The following ALG9 variants were observed in gnomAD, a reference collection of about 807,000 sequenced individuals.
ALG9 encodes ALG9 alpha-1,2-mannosyltransferase, also known as alpha-1,2-mannosyltransferase ALG9.
In ALG9, 55 loss-of-function variants were observed where a neutral mutation model predicts 81.8. That is an observed-to-expected ratio of 0.67 (90% CI 0.54 to 0.84). The LOEUF (loss-of-function observed/expected upper bound fraction) is 0.84, where lower values mean the gene tolerates loss of function less well. Among genes scored for constraint, ALG9 ranks in the 40% least tolerant of loss-of-function variants. The pLI is 0.00. For missense variants in ALG9, 629 were observed against 745.0 expected (o/e 0.84, Z 1.81); for synonymous variants, 278 against 274.3 (o/e 1.01, Z -0.13).
intron 8 of ALG9, chr11:111,845,435 TG>T (rs1414758660): frequency 6.6e-6 from 1 of 152,378 alleles, no homozygotes; most frequent in Non-Finnish European, 1.5e-5. Flanking sequence ...TCGCGTACAT[TG>T]GGCAACATGT....
In ALG9 at chr11:111,836,121, A is replaced by G. The variant is rs782276266; in HGVS notation, c.1602+44T>C. On this transcript the variant is annotated intron_variant, in intron 13 of 14. Transcript: ENST00000616540. ...TATACACACCAACAGACTTTTAGGCATAGAATTCTTTTCAGAGAAGCAAGA... is the reference window on the plus strand; with the variant it reads ...TATACACACCAACAGACTTTTAGGCGTAGAATTCTTTTCAGAGAAGCAAGA... 6 of 1,612,240 alleles carry G rather than the reference A, an allele frequency of 3.7e-6. No homozygotes were observed. In the Admixed American group the frequency reaches 6.7e-5, roughly 18 times the overall value.
chr11:111,870,890 A>G (rs1964105838), intron 1 of ALG9: 1 of 1,000,838 alleles, frequency 1.0e-6, no homozygotes, highest in Non-Finnish European at 1.2e-6. Flanking sequence ...TGCAAGGTAC[A>G]TAGCCTACTC....
At chr11:111,826,450 CCCT>C (rs1303973521) in intron 13 of ALG9, among the ~76,000 whole-genome samples, 4 of 151,676 alleles carry the variant, frequency 2.6e-5, no homozygotes, top group African/African-American at 9.7e-5. Context: ...AACAGCAGTA[CCCT>C]CCTGATTCCC....
chr11:111,820,377 C>T (rs1555102098), intron 13 of ALG9, among the ~76,000 whole-genome samples: 2 of 152,196 alleles, frequency 1.3e-5, no homozygotes, highest in African/African-American at 4.8e-5. Flanking sequence ...TGTGCCATCT[C>T]ATGGCAGAAG....
intron 14 of ALG9, among the ~76,000 whole-genome samples, chr11:111,789,570 G>T (rs1270002860): frequency 2.6e-5 from 4 of 151,494 alleles, no homozygotes; most frequent in Non-Finnish European, 2.9e-5. Context: ...GGTTGGACGC[G>T]GTGGCTCATG....
Position 111,871,580 on chromosome 11 carries a change from A to C in ALG9, c.-98T>G. ...AACGGTGTCCGCCGAGGGACAAAAG[A>C]CCTTGACATGCGCAGAAAATACTAA... On this transcript the variant is annotated 5_prime_UTR_variant, in exon 1 of 15. Coordinates refer to ENST00000616540, the MANE Select transcript of ALG9 (RefSeq NM_024740.2). 2 of 1,531,260 alleles carry C rather than the reference A, an allele frequency of 1.3e-6. No individual in the cohort carries two copies. Among genetic ancestry groups the C allele is most frequent in the Non-Finnish European group, 1.7e-6 (2 of 1,144,186 alleles). 94.9% of individuals were successfully genotyped at this position (1,531,260 alleles called of 1,614,324 possible). A position where few individuals can be genotyped will look rare whatever the true frequency, so the allele number is the denominator to read the frequency against.
chr11:111,817,229 C>G (rs538591432), intron 13 of ALG9: 3 of 152,154 alleles, frequency 2.0e-5, no homozygotes, highest in Non-Finnish European at 4.4e-5. Flanking sequence ...TGATAAAAAA[C>G]AGGGTCTTAG....
the ALG9 span, among the ~76,000 whole-genome samples, chr11:111,774,890 G>T: frequency 6.6e-6 from 1 of 152,084 alleles, no homozygotes; most frequent in African/African-American, 2.4e-5. Context: ...ATATCCACAG[G>T]GTAGAGTCCA....
intron 13 of ALG9, among the ~76,000 whole-genome samples, chr11:111,818,554 C>G (rs1431588956): frequency 6.6e-6 from 1 of 152,212 alleles, no homozygotes; most frequent in African/African-American, 2.4e-5. Flanking sequence ...TCCTACTCAT[C>G]CTTCAGATTT....
chr11:111,863,929 A>G (rs375953852), intron 4 of ALG9, among the ~76,000 whole-genome samples: 1 of 152,232 alleles, frequency 6.6e-6, no homozygotes, highest in African/African-American at 2.4e-5. Context: ...AATGAATGAT[A>G]TAAGGATATG....
intron 6 of ALG9, 73 bp downstream of exon 6, chr11:111,857,529 T>C (rs1958897883): frequency 1.9e-6 from 3 of 1,596,552 alleles, no homozygotes; most frequent in South Asian, 2.2e-5. Context: ...ATGCAGACAA[T>C]ATGGAGCTAA....
chr11:111,822,924 T>G (rs1952664405), intron 13 of ALG9, among the ~76,000 whole-genome samples: 2 of 151,960 alleles, frequency 1.3e-5, no homozygotes, highest in African/African-American at 4.8e-5. Flanking sequence ...CTCAGGAGGC[T>G]GAGGCGGGAG....
intron 14 of ALG9, among the ~76,000 whole-genome samples, chr11:111,807,626 T>G (rs1210515484): frequency 2.0e-5 from 3 of 152,210 alleles, no homozygotes; most frequent in Non-Finnish European, 4.4e-5. Context: ...AGGAGAAAGA[T>G]CTTTGTTTTA....
intron 12 of ALG9, chr11:111,836,684 G>T: frequency 8.0e-6 from 2 of 251,176 alleles, no homozygotes; most frequent in Non-Finnish European, 7.9e-6. Flanking sequence ...ACACACTATG[G>T]GAGAAATACT....
At position 111,782,271 on chromosome 11, in the gene ALG9, T is replaced by G. The variant is rs975672224; in HGVS notation, c.*4126A>C. ...GTAATGTAAACACCGACACGTGAAA[T>G]AAAGTACAAGGATCAGGAAGACAAG... On this transcript the variant is annotated 3_prime_UTR_variant, in exon 15 of 15. Transcript: ENST00000616540. The G allele has an allele frequency of 6.6e-6, 1 of 152,226 alleles. No homozygotes were observed. The highest frequency in any genetic ancestry group is 1.5e-5 in the Non-Finnish European group (1 of 68,034). The allele number at this position is 152,226 out of a possible 1,614,324, so 9.4% of individuals were successfully genotyped here. A position where few individuals can be genotyped will look rare whatever the true frequency, so the allele number is the denominator to read the frequency against.
At chr11:111,832,622 C>T (rs1555114133) in intron 13 of ALG9, among the ~76,000 whole-genome samples, 1 of 152,166 alleles carries the variant, frequency 6.6e-6, no homozygotes, top group African/African-American at 2.4e-5. Context: ...GTGTCCCTAA[C>T]TCCGTTTTCC....
At chr11:111,869,829 T>A (rs1023545910) in intron 2 of ALG9, among the ~76,000 whole-genome samples, 5 of 152,180 alleles carry the variant, frequency 3.3e-5, no homozygotes, top group African/African-American at 4.8e-5. Flanking sequence ...CTCTGTTTTT[T>A]GAGACAGAGT....
intron 13 of ALG9, among the ~76,000 whole-genome samples, 164 bp downstream of exon 13, chr11:111,836,001 C>T (rs1345363500): frequency 2.0e-5 from 3 of 152,130 alleles, no homozygotes; most frequent in African/African-American, 4.8e-5. Context: ...TTATCCCGCC[C>T]GTCTCCCAAA....
At chr11:111,820,105 G>T (rs1290266393) in intron 13 of ALG9, among the ~76,000 whole-genome samples, 1 of 152,168 alleles carries the variant, frequency 6.6e-6, no homozygotes, top group Non-Finnish European at 1.5e-5. Flanking sequence ...TCTGGTAAGG[G>T]CCTTCTCACT....
Sources: allele counts gnomAD v4.1 joint callset (sites outside exome capture counted in the v4.1 genomes callset), GRCh38; gene constraint gnomAD v4.1.1; transcripts MANE v1.5; gene names NCBI Gene and HGNC (gene_info 2026-07-23, HGNC 2026-07-21).